STAB2: variants seen among roughly 807,000 people sequenced by gnomAD.
The protein encoded by STAB2 is stabilin-2.
A neutral mutation model predicts 338.1 loss-of-function variants in STAB2; 288 were observed. The observed-to-expected ratio is 0.85, with a 90% CI of 0.77 to 0.94. The LOEUF is 0.94. Among genes scored for constraint, STAB2 ranks in the 40% least tolerant of loss-of-function variants. STAB2 has a pLI of 0.00. For missense variants in STAB2, 3,141 were observed against 3,210.1 expected (o/e 0.98, Z 0.52); for synonymous variants, 1,202 against 1,193.3 (o/e 1.01, Z -0.15).
chr12:103,609,820 G>A (rs1256564604), intron 3 of STAB2, among the ~76,000 whole-genome samples: 2 of 152,048 alleles, frequency 1.3e-5, no homozygotes, highest in African/African-American at 4.8e-5. Context: ...TATTGGCTGT[G>A]GGTTTGTCAT....
At chr12:103,654,471 A>T in intron 12 of STAB2, 84 bp from the exon 13 acceptor site, 1 of 1,391,050 alleles carries the variant, frequency 7.2e-7, no homozygotes, top group Non-Finnish European at 9.6e-7. Flanking sequence ...AAGCCCAAGG[A>T]CTCAAGACTT....
intron 39 of STAB2, 114 bp from the exon 40 acceptor site, chr12:103,711,357 C>G (rs796539078): frequency 7.2e-7 from 1 of 1,390,402 alleles, no homozygotes; most frequent in African/African-American, 1.4e-5. Context: ...TTTTATATCG[C>G]TCACATGATA....
At position 103,717,750 on chromosome 12, in the gene STAB2, G is replaced by A; in HGVS notation, c.4612-20G>A. The stretch of plus-strand genomic sequence containing the variant: ...GAACCCACCTGCAAAATGACCCCAT[G>A]TGCTTCTACTCCTGGACAGGCTGCC... On this transcript the variant is annotated intron_variant, in intron 43 of 68. Coordinates refer to ENST00000388887, the MANE Select transcript of STAB2 (RefSeq NM_017564.10). 6.2e-7 allele frequency: 1 copy of A among 1,613,938 alleles called. No homozygotes were observed. The highest frequency in any genetic ancestry group is 8.5e-7 in the Non-Finnish European group (1 of 1,179,872).
chr12:103,592,229 T>C (rs191380872), intron 2 of STAB2: 1 of 151,722 alleles, frequency 6.6e-6, no homozygotes, highest in South Asian at 2.1e-4. Context: ...TTGTAACACC[T>C]TGATTGCTTC....
At chr12:103,666,378 C>T (rs1401818293) in intron 19 of STAB2, 25 bp downstream of exon 19, 1 of 1,613,504 alleles carries the variant, frequency 6.2e-7, no homozygotes, top group East Asian at 2.2e-5. Context: ...TTCATGAAAG[C>T]ACAGATCACC....
intron 61 of STAB2, chr12:103,754,965 G>T: frequency 1.4e-5 from 3 of 210,998 alleles, no homozygotes; most frequent in East Asian, 1.1e-4. Flanking sequence ...AAAAAAATTT[G>T]AGTTCTATCA....
chr12:103,697,556 T>C (rs1878510552), intron 33 of STAB2, among the ~76,000 whole-genome samples: 1 of 152,230 alleles, frequency 6.6e-6, no homozygotes, highest in South Asian at 2.1e-4. Flanking sequence ...TCCAATTCCT[T>C]ACAATAATTA....
At chr12:103,688,290 C>T (rs374499773) in intron 28 of STAB2, 75 bp downstream of exon 28, 25 of 1,442,438 alleles carry the variant, frequency 1.7e-5, no homozygotes, top group Admixed American at 5.0e-5. Flanking sequence ...AATAGAAAAC[C>T]GAAAATGCAG....
chr12:103,607,789 A>T (rs922781048), intron 3 of STAB2, among the ~76,000 whole-genome samples: 4 of 152,100 alleles, frequency 2.6e-5, no homozygotes, highest in Non-Finnish European at 4.4e-5. Flanking sequence ...TCTATCATTG[A>T]TGGACATTTG....
chr12:103,718,335 C>A (rs1033555645), intron 44 of STAB2, among the ~76,000 whole-genome samples: 2 of 151,548 alleles, frequency 1.3e-5, no homozygotes, highest in South Asian at 4.2e-4. Context: ...ATTCTACTCT[C>A]ACCCCACAAC....
In STAB2 at chr12:103,737,598, CTCTTTCTCTTT is replaced by C. The variant is rs1257769881; in HGVS notation, c.5551-34_5551-24del. The C allele has an allele frequency of 1.2e-4, 154 of 1,252,976 alleles. 2 individuals carry two copies. The highest frequency in any genetic ancestry group is 1.5e-4 in the East Asian group (5 of 33,872). 77.6% of individuals were successfully genotyped at this position (1,252,976 alleles called of 1,614,324 possible). On this transcript the variant is annotated intron_variant, in intron 52 of 68. Transcript: ENST00000388887. ...TTTCTCTCTCTCTCTCTCTCTCTCT[CTCTTTCTCTTT>C]TTTTTTTTTTTTTTTCTTTCTTAGG... is the stretch of plus-strand genomic sequence containing the variant.
At position 103,654,608 on chromosome 12, in the gene STAB2, A is replaced by T. The variant is rs780554825; in HGVS notation, c.1461A>T (p.Ile487=). 1 of 1,614,196 alleles carries T rather than the reference A, an allele frequency of 6.2e-7. No individual in the cohort carries two copies. The highest frequency in any genetic ancestry group is 1.7e-5 in the Admixed American group (1 of 60,030). Reference sequence around the variant, plus strand: ...GAGGCAAAAAGAAGGTAAAAATTATACAAGGGGACATCATTGCTTCCAATG... The same window carrying T: ...GAGGCAAAAAGAAGGTAAAAATTATTCAAGGGGACATCATTGCTTCCAATG... ...LHGGKKKVKI[I]QGDIIASNGL... is the part of the protein sequence containing the mutation. The change falls in exon 13 of 69, where the codon ATA becomes ATT. Residue 487 remains isoleucine, a synonymous_variant. Transcript: ENST00000388887.
At chr12:103,599,808 A>T (rs1205244541) in intron 3 of STAB2, among the ~76,000 whole-genome samples, 3 of 152,186 alleles carry the variant, frequency 2.0e-5, no homozygotes, top group African/African-American at 7.2e-5. Flanking sequence ...GGTGGATGGT[A>T]AGCCTCCAGA....
chr12:103,649,470 C>T lies in STAB2; in HGVS notation c.1174+647C>T, dbSNP rs1346798266. Among the ~76,000 whole-genome samples, 4 of 152,252 alleles carry T rather than the reference C, an allele frequency of 2.6e-5. No individual in the cohort carries two copies. The East Asian group carries it at 7.7e-4, about 29-fold the overall frequency. On this transcript the variant is annotated intron_variant, in intron 10 of 68. Transcript: ENST00000388887. ...TATTATAACTGATCACAGCATTGGA[C>T]ACAACTTCCAATAAAACACAAATCC...
At chr12:103,666,822 A>G (rs1251285400) in intron 19 of STAB2, among the ~76,000 whole-genome samples, 2 of 152,240 alleles carry the variant, frequency 1.3e-5, no homozygotes, top group East Asian at 3.8e-4. Flanking sequence ...TGGGACTATC[A>G]AAAGCTTCCA....
intron 30 of STAB2, 115 bp from the exon 31 acceptor site, chr12:103,692,697 T>A (rs1878053199): frequency 2.6e-6 from 2 of 756,202 alleles, no homozygotes; most frequent in East Asian, 5.5e-5. Context: ...CTGTGGGTCT[T>A]GGCCCAAAAG....
chr12:103,607,000 A>G (rs541019092), intron 3 of STAB2, among the ~76,000 whole-genome samples: 1 of 152,130 alleles, frequency 6.6e-6, no homozygotes, highest in African/African-American at 2.4e-5. Context: ...AAAACAAAAA[A>G]CAAAAACAAA....
intron 56 of STAB2, 151 bp from the exon 57 acceptor site, chr12:103,745,022 T>A: frequency 1.1e-5 from 7 of 646,590 alleles, no homozygotes; most frequent in Non-Finnish European, 1.8e-5. Flanking sequence ...CTGAATAAGT[T>A]ATTTTTTAGA....
At chr12:103,635,790 A>G (rs1002782026) in intron 6 of STAB2, among the ~76,000 whole-genome samples, 5 of 152,200 alleles carry the variant, frequency 3.3e-5, no homozygotes, top group Non-Finnish European at 7.3e-5. Flanking sequence ...ACTGGCTAAC[A>G]GATTCCTTTG....
Sources: gnomAD v4.1 joint callset for allele counts (sites outside exome capture counted in the v4.1 genomes callset) on GRCh38, gnomAD v4.1.1 for gene constraint, MANE v1.5 for transcripts, NCBI Gene and HGNC (gene_info 2026-07-23, HGNC 2026-07-21) for gene names.